ALKBH5: variants seen among roughly 807,000 people sequenced by gnomAD.
The protein encoded by ALKBH5 is alkB homolog 5, RNA demethylase, also known as RNA demethylase ALKBH5.
Under a neutral mutation model 32.1 loss-of-function variants are expected in ALKBH5, and 2 were observed. The observed-to-expected ratio is 0.06, with a 90% confidence interval of 0.03 to 0.20. The LOEUF (loss-of-function observed/expected upper bound fraction) is 0.20. Among genes scored for constraint, ALKBH5 ranks in the 10% least tolerant of loss-of-function variants. ALKBH5 has a pLI of 1.00. For synonymous variants in ALKBH5, 300 were observed against 231.7 expected (o/e 1.29, Z -2.68); for missense variants, 352 against 559.5 (o/e 0.63, Z 3.74).
In ALKBH5 at chr17:18,184,477, G is replaced by A. The variant is rs1333090798; in HGVS notation, c.234G>A (p.Lys78=). The part of the protein sequence containing the change: ...RSDYEEQQLQ[K]EEEARKVKSG... Reference sequence around the variant, plus strand: ...ACTATGAGGAGCAGCAGCTGCAGAAGGAGGAGGAGGCGCGCAAGGTGAAGA... The same window carrying A: ...ACTATGAGGAGCAGCAGCTGCAGAAAGAGGAGGAGGCGCGCAAGGTGAAGA... The change falls in exon 1 of 4, where the codon AAG becomes AAA. Residue 78 remains lysine, a synonymous_variant. Transcript: ENST00000399138. The A allele has an allele frequency of 6.2e-7, 1 of 1,612,634 alleles. No individual in the cohort carries two copies. Among genetic ancestry groups the A allele is most frequent in the Non-Finnish European group, 8.5e-7 (1 of 1,179,758 alleles).
chr17:18,201,838 T>TAGATA (rs200558725), intron 2 of ALKBH5, among the ~76,000 whole-genome samples: 1 of 106,390 alleles, frequency 9.4e-6, no homozygotes, highest in South Asian at 2.7e-4. Context: ...GATAGATAGA[T>TAGATA]GATAGATAGA....
At chr17:18,202,057 C>T (rs2047244746) in intron 2 of ALKBH5, among the ~76,000 whole-genome samples, 1 of 151,944 alleles carries the variant, frequency 6.6e-6, no homozygotes, top group African/African-American at 2.4e-5. Flanking sequence ...CCTGTAATTC[C>T]AGCACTTTGG....
Position 18,184,241 on chromosome 17 carries a change from G to C in ALKBH5, c.-3G>C. ...AGGACCCTAGAGCAGCGTCGTGGGG[G>C]CCATGGCGGCCGCCAGCGGCTACAC... On this transcript the variant is annotated 5_prime_UTR_variant, in exon 1 of 4. Transcript: ENST00000399138. 1 of 1,513,002 alleles carries C rather than the reference G, an allele frequency of 6.6e-7. No individual in the cohort carries two copies. Among genetic ancestry groups the C allele is most frequent in the Non-Finnish European group, 8.8e-7 (1 of 1,136,226 alleles). The allele number at this position is 1,513,002 out of a possible 1,614,324, so 93.7% of individuals were successfully genotyped here.
intron 2 of ALKBH5, among the ~76,000 whole-genome samples, chr17:18,201,830 T>C (rs2047241855): frequency 7.9e-6 from 1 of 126,330 alleles, no homozygotes; most frequent in Admixed American, 7.8e-5. Flanking sequence ...GATAGATAGA[T>C]AGATAGATGA....
rs752699230 is a variant in ALKBH5 at position 18,208,420 on chromosome 17, A to G, written c.*24A>G. Reference sequence around the variant, plus strand: ...GAGTCTACCCGCCGCCCTCCTGGGAACTCTGGCTCATCCTTACGTAGTTGC... The same window carrying G: ...GAGTCTACCCGCCGCCCTCCTGGGAGCTCTGGCTCATCCTTACGTAGTTGC... On this transcript the variant is annotated 3_prime_UTR_variant, in exon 4 of 4. Transcript: ENST00000399138. 3 of 1,609,784 alleles carry G rather than the reference A, an allele frequency of 1.9e-6. No homozygotes were observed. Among genetic ancestry groups the G allele is most frequent in the South Asian group, 2.2e-5 (2 of 90,590 alleles).
At chr17:18,190,631 T>C (rs1218938661) in intron 1 of ALKBH5, among the ~76,000 whole-genome samples, 7 of 152,204 alleles carry the variant, frequency 4.6e-5, no homozygotes, top group Non-Finnish European at 7.3e-5. Context: ...GCTGTGATCT[T>C]TGTTTTGCAG....
chr17:18,200,669 G>C (rs150900147), intron 2 of ALKBH5, among the ~76,000 whole-genome samples: 1 of 152,290 alleles, frequency 6.6e-6, no homozygotes, highest in East Asian at 1.9e-4. Flanking sequence ...ATCTCAACAG[G>C]AACTGGTCAA....
intron 2 of ALKBH5, among the ~76,000 whole-genome samples, chr17:18,204,187 C>T (rs2047256916): frequency 6.6e-6 from 1 of 152,198 alleles, no homozygotes; most frequent in Non-Finnish European, 1.5e-5. Flanking sequence ...CGTGGTGGCT[C>T]ACGCCTTTAA....
At chr17:18,188,137 T>C (rs544248236) in intron 1 of ALKBH5, among the ~76,000 whole-genome samples, 4 of 152,360 alleles carry the variant, frequency 2.6e-5, no homozygotes, top group Non-Finnish European at 4.4e-5. Flanking sequence ...GGCTGTACTT[T>C]AGGGAAATAT....
Position 18,184,117 on chromosome 17 carries a change from C to CA in ALKBH5, c.-126dup. The stretch of plus-strand genomic sequence containing the variant: ...CCTCGACGCCCCCCGCCGGGTCCCC[C>CA]ACTCACGCATGGGGGTTCGGCGCTA... On this transcript the variant is annotated 5_prime_UTR_variant, in exon 1 of 4. Coordinates refer to ENST00000399138, the MANE Select transcript of ALKBH5 (RefSeq NM_017758.4). The CA allele has an allele frequency of 1.2e-6, 1 of 867,288 alleles. No homozygotes were observed. The highest frequency in any genetic ancestry group is 1.8e-5 in the African/African-American group (1 of 56,750). 53.7% of individuals were successfully genotyped at this position (867,288 alleles called of 1,614,324 possible).
At position 18,184,624 on chromosome 17, in the gene ALKBH5, C is replaced by T. The variant is rs768104129; in HGVS notation, c.381C>T (p.Ala127=). ...GLYNEHTVDR[A]PLRNKYFFGE... Reference sequence around the variant, plus strand: ...ACAACGAGCACACGGTGGACCGGGCCCCACTGCGCAACAAGTACTTCTTCG... The same window carrying T: ...ACAACGAGCACACGGTGGACCGGGCTCCACTGCGCAACAAGTACTTCTTCG... The change falls in exon 1 of 4, where the codon GCC becomes GCT. Residue 127 remains alanine, a synonymous_variant. Coordinates refer to ENST00000399138, the MANE Select transcript of ALKBH5 (RefSeq NM_017758.4). 4 of 1,613,220 alleles carry T rather than the reference C, an allele frequency of 2.5e-6. No individual in the cohort carries two copies. Among genetic ancestry groups the T allele is most frequent in the Non-Finnish European group, 2.5e-6 (3 of 1,180,002 alleles).
intron 1 of ALKBH5, among the ~76,000 whole-genome samples, chr17:18,187,526 A>G (rs1229532735): frequency 6.6e-6 from 1 of 152,202 alleles, no homozygotes; most frequent in East Asian, 1.9e-4. Flanking sequence ...AGTGTTTTTT[A>G]TGACAACCAG....
chr17:18,203,280 T>C (rs1336252743), intron 2 of ALKBH5, among the ~76,000 whole-genome samples: 2 of 152,130 alleles, frequency 1.3e-5, no homozygotes, highest in African/African-American at 4.8e-5. Context: ...CTCAAGCTAG[T>C]GATTTGCTCT....
chr17:18,198,719 G>C (rs1027539201), intron 2 of ALKBH5, among the ~76,000 whole-genome samples: 1 of 152,220 alleles, frequency 6.6e-6, no homozygotes, highest in Non-Finnish European at 1.5e-5. Context: ...AGGGCCTCAC[G>C]GAAGGAAATG....
intron 2 of ALKBH5, among the ~76,000 whole-genome samples, chr17:18,195,469 G>T (rs1476038134): frequency 6.6e-6 from 1 of 152,228 alleles, no homozygotes; most frequent in Non-Finnish European, 1.5e-5. Flanking sequence ...GGAGTGAAGA[G>T]AGGAGACAAG....
At position 18,185,298 on chromosome 17, in the gene ALKBH5, A is replaced by AT. The variant is rs939633350; in HGVS notation, c.770+296dup. Among the ~76,000 whole-genome samples, 91 of 146,412 alleles carry AT rather than the reference A, an allele frequency of 6.2e-4. 1 individual carries two copies. The highest frequency in any genetic ancestry group is 1.4e-3 in the African/African-American group (55 of 39,926). ...TCTTTTCAGAAGGCTGTTCCCTTTG[A>AT]TTTTTTTTTTTCCCACCATCCATTT... On this transcript the variant is annotated intron_variant, in intron 1 of 3. Transcript: ENST00000399138.
chr17:18,188,970 G>A (rs2047156647), intron 1 of ALKBH5, among the ~76,000 whole-genome samples: 1 of 152,184 alleles, frequency 6.6e-6, no homozygotes, highest in Non-Finnish European at 1.5e-5. Flanking sequence ...AGGAGGCTGA[G>A]GCAGGAGAAT....
At chr17:18,189,193 T>C (rs2047158646) in intron 1 of ALKBH5, among the ~76,000 whole-genome samples, 1 of 152,048 alleles carries the variant, frequency 6.6e-6, no homozygotes, top group Non-Finnish European at 1.5e-5. Flanking sequence ...CTGGCTAGCA[T>C]GGTGAAACCC....
intron 1 of ALKBH5, among the ~76,000 whole-genome samples, chr17:18,188,703 A>G (rs2047154978): frequency 6.6e-6 from 1 of 152,176 alleles, no homozygotes; most frequent in African/African-American, 2.4e-5. Context: ...GCAGTAAAAG[A>G]AAGGAAGCTA....
Sources: gnomAD v4.1 joint callset for allele counts (sites outside exome capture counted in the v4.1 genomes callset) on GRCh38, gnomAD v4.1.1 for gene constraint, MANE v1.5 for transcripts, NCBI Gene and HGNC (gene_info 2026-07-23, HGNC 2026-07-21) for gene names.